ZCCHC24: variants seen among roughly 807,000 people sequenced by gnomAD.
The protein encoded by ZCCHC24 is zinc finger CCHC-type containing 24.
ZCCHC24 carries 10 observed loss-of-function variants against 26.2 expected under a neutral mutation model. That is an observed-to-expected ratio of 0.38 (90% CI 0.24 to 0.65). The LOEUF is 0.65. ZCCHC24 is among the 30% of genes least tolerant of loss of function. The pLI, the probability that ZCCHC24 is intolerant of heterozygous loss-of-function variation, is 0.54. For synonymous variants in ZCCHC24, 144 were observed against 147.1 expected (o/e 0.98, Z 0.15); for missense variants, 243 against 329.1 (o/e 0.74, Z 2.03).
intron 1 of ZCCHC24, among the ~76,000 whole-genome samples, chr10:79,438,772 T>G (rs1351749340): frequency 6.6e-6 from 1 of 152,172 alleles, no homozygotes. Context: ...GAGCAGACAG[T>G]GCCAGCAGGA....
chr10:79,397,192 G>A (rs1054313973), intron 2 of ZCCHC24, among the ~76,000 whole-genome samples: 5 of 152,190 alleles, frequency 3.3e-5, no homozygotes, highest in Admixed American at 6.5e-5. Context: ...CTGATCTCCT[G>A]GGCCCACTGC....
At position 79,386,116 on chromosome 10, in the gene ZCCHC24, C is replaced by G; in HGVS notation, c.*229G>C. The G allele has an allele frequency of 3.4e-6, 2 of 595,682 alleles. No homozygotes were observed. The highest frequency in any genetic ancestry group is 6.2e-6 in the Non-Finnish European group (2 of 324,176). 36.9% of individuals were successfully genotyped at this position (595,682 alleles called of 1,614,324 possible). The stretch of plus-strand genomic sequence containing the variant: ...TCCACTGAGACCCCAGGCCCGCCTG[C>G]AAAAAGCCCCAGACTCCCTGCTTTC... On this transcript the variant is annotated 3_prime_UTR_variant, in exon 4 of 4. Transcript: ENST00000372336.
At chr10:79,414,779 A>T (rs1316097437) in intron 2 of ZCCHC24, among the ~76,000 whole-genome samples, 1 of 152,188 alleles carries the variant, frequency 6.6e-6, no homozygotes, top group Non-Finnish European at 1.5e-5. Flanking sequence ...GATCTACTGA[A>T]TTCAAATTTC....
chr10:79,397,889 G>T lies in ZCCHC24; in HGVS notation c.448-3449C>A, dbSNP rs574704884. Reference sequence around the variant, plus strand: ...GACTGGAGGTGGACTCTGGGAATTTGTTCCCAGAGCCCCTGCTTCAGAAAT... The same window carrying T: ...GACTGGAGGTGGACTCTGGGAATTTTTTCCCAGAGCCCCTGCTTCAGAAAT... On this transcript the variant is annotated intron_variant, in intron 2 of 3. Coordinates refer to ENST00000372336, the MANE Select transcript of ZCCHC24 (RefSeq NM_153367.4). Among the ~76,000 whole-genome samples, 18 of 152,284 alleles carry T rather than the reference G, an allele frequency of 1.2e-4. No homozygotes were observed. In the South Asian group the frequency reaches 2.7e-3, roughly 23 times the overall value.
At chr10:79,429,573 T>A (rs1299893492) in intron 2 of ZCCHC24, among the ~76,000 whole-genome samples, 3 of 152,004 alleles carry the variant, frequency 2.0e-5, no homozygotes, top group Non-Finnish European at 4.4e-5. Context: ...AGAGCTAGAC[T>A]CTGTCTCAAA....
At chr10:79,398,384 T>G (rs1035920352) in intron 2 of ZCCHC24, among the ~76,000 whole-genome samples, 4 of 152,170 alleles carry the variant, frequency 2.6e-5, no homozygotes, top group Non-Finnish European at 4.4e-5. Context: ...CATTCATGCG[T>G]GTAAAGGTCT....
At chr10:79,430,027 T>G (rs907202798) in intron 2 of ZCCHC24, among the ~76,000 whole-genome samples, 5 of 152,200 alleles carry the variant, frequency 3.3e-5, no homozygotes, top group Non-Finnish European at 7.3e-5. Context: ...GGTTCTAGCC[T>G]GCCCAAATAC....
chr10:79,430,018 G>A (rs201608893), intron 2 of ZCCHC24, among the ~76,000 whole-genome samples: 1 of 152,246 alleles, frequency 6.6e-6, no homozygotes, highest in East Asian at 1.9e-4. Flanking sequence ...ATCCAATCAG[G>A]TTCTAGCCTG....
At chr10:79,409,870 C>T (rs563704000) in intron 2 of ZCCHC24, among the ~76,000 whole-genome samples, 14 of 152,296 alleles carry the variant, frequency 9.2e-5, no homozygotes, top group African/African-American at 1.9e-4. Context: ...AGGGGGAGGA[C>T]GGGGGCTCTC....
intron 1 of ZCCHC24, among the ~76,000 whole-genome samples, chr10:79,437,062 A>G (rs1184033806): frequency 6.6e-6 from 1 of 151,996 alleles, no homozygotes; most frequent in Non-Finnish European, 1.5e-5. Context: ...TTTTTGAGAC[A>G]GGGTCTTACT....
intron 2 of ZCCHC24, among the ~76,000 whole-genome samples, chr10:79,408,666 G>A (rs1038529491): frequency 3.3e-5 from 5 of 152,168 alleles, no homozygotes; most frequent in Non-Finnish European, 7.3e-5. Flanking sequence ...ATGGGGTGTC[G>A]TGGCAGAGGA....
chr10:79,392,339 G>A (rs1856490159), intron 3 of ZCCHC24, among the ~76,000 whole-genome samples: 1 of 152,170 alleles, frequency 6.6e-6, no homozygotes, highest in African/African-American at 2.4e-5. Context: ...TTCCCTAGCA[G>A]GCTGCTTCCT....
intron 2 of ZCCHC24, among the ~76,000 whole-genome samples, chr10:79,410,967 C>G (rs894222313): frequency 6.6e-6 from 1 of 152,278 alleles, no homozygotes; most frequent in East Asian, 1.9e-4. Context: ...GAGGCAGGAG[C>G]TCCCCTCTTG....
intron 2 of ZCCHC24, among the ~76,000 whole-genome samples, chr10:79,412,844 C>G (rs936717237): frequency 6.6e-6 from 1 of 152,184 alleles, no homozygotes; most frequent in Non-Finnish European, 1.5e-5. Context: ...ATAATAAGAT[C>G]GATCAGGCAG....
intron 2 of ZCCHC24, among the ~76,000 whole-genome samples, chr10:79,431,051 C>A (rs1250818247): frequency 6.6e-6 from 1 of 152,220 alleles, no homozygotes; most frequent in Non-Finnish European, 1.5e-5. Flanking sequence ...GCTTGGAGAG[C>A]ACTCAGCACA....
chr10:79,429,191 G>A (rs1226038095), intron 2 of ZCCHC24, among the ~76,000 whole-genome samples: 3 of 149,138 alleles, frequency 2.0e-5, no homozygotes, highest in East Asian at 3.8e-4. Flanking sequence ...AAGACCACAT[G>A]TTACATGATT....
intron 2 of ZCCHC24, among the ~76,000 whole-genome samples, chr10:79,401,593 G>A (rs992938048): frequency 2.6e-5 from 4 of 152,214 alleles, no homozygotes; most frequent in African/African-American, 7.2e-5. Context: ...GGAAGGGGCC[G>A]CTGTTCTCAT....
intron 1 of ZCCHC24, among the ~76,000 whole-genome samples, chr10:79,439,551 C>T (rs755274039): frequency 9.2e-5 from 14 of 152,306 alleles, no homozygotes; most frequent in African/African-American, 1.7e-4. Context: ...AAGATTCCTA[C>T]TCTCAGGGTG....
chr10:79,442,567 C>T (rs1564643143), intron 1 of ZCCHC24, among the ~76,000 whole-genome samples: 1 of 152,172 alleles, frequency 6.6e-6, no homozygotes, highest in African/African-American at 2.4e-5. Context: ...TTGGCGCAGA[C>T]AGGCCGTGGT....
Sources: gnomAD v4.1 joint callset for allele counts (sites outside exome capture counted in the v4.1 genomes callset) on GRCh38, gnomAD v4.1.1 for gene constraint, MANE v1.5 for transcripts, NCBI Gene and HGNC (gene_info 2026-07-23, HGNC 2026-07-21) for gene names.